The following RPSA2 variants were observed in gnomAD, a reference collection of about 807,000 sequenced individuals.
RPSA2 encodes the protein ribosomal protein SA 2.
chr19:23,839,958 A>G, the RPSA2 span, among the ~76,000 whole-genome samples: 1 of 152,138 alleles, frequency 6.6e-6, no homozygotes, highest in East Asian at 1.9e-4. Flanking sequence ...CACTCACTGT[A>G]TTTGGGGTGT....
At chr19:23,832,223 A>T in the RPSA2 span, 1 of 438,852 alleles carries the variant, frequency 2.3e-6, no homozygotes, top group South Asian at 1.8e-5. Flanking sequence ...AAACTCTACA[A>T]ATGTGAAGAA....
the RPSA2 span, among the ~76,000 whole-genome samples, chr19:23,835,621 T>G: frequency 9.9e-5 from 15 of 151,860 alleles, no homozygotes; most frequent in African/African-American, 3.4e-4. Flanking sequence ...AATAGTTTTT[T>G]TTTTTGTTGT....
At chr19:23,856,369 A>G in the RPSA2 span, among the ~76,000 whole-genome samples, 26 of 152,146 alleles carry the variant, frequency 1.7e-4, no homozygotes, top group African/African-American at 6.0e-4. Flanking sequence ...CACCCTGAAT[A>G]GGGTGACCAT....
the RPSA2 span, among the ~76,000 whole-genome samples, chr19:23,784,281 A>G: frequency 2.0e-5 from 3 of 152,232 alleles, no homozygotes; most frequent in Non-Finnish European, 2.9e-5. Context: ...CACCATGCAG[A>G]TGAGATTGCA....
At chr19:23,846,454 T>TA in the RPSA2 span, among the ~76,000 whole-genome samples, 1 of 152,206 alleles carries the variant, frequency 6.6e-6, no homozygotes, top group Admixed American at 6.5e-5. Context: ...CTTTGTTTTA[T>TA]AAGGCCTGTT....
chr19:23,791,156 G>T, the RPSA2 span, among the ~76,000 whole-genome samples: 1 of 152,114 alleles, frequency 6.6e-6, no homozygotes, highest in East Asian at 1.9e-4. Context: ...TAATCAAAGG[G>T]TGATTCAAAA....
At chr19:23,869,646 C>T in the RPSA2 span, among the ~76,000 whole-genome samples, 718 of 152,290 alleles carry the variant, frequency 4.7e-3, 4 homozygotes, top group African/African-American at 0.013. Flanking sequence ...TATACCACAC[C>T]GGGATCCAAT....
At chr19:23,820,694 C>CCTCT in the RPSA2 span, among the ~76,000 whole-genome samples, 148,839 of 152,168 alleles carry the variant, frequency 0.98, 72,885 homozygotes, top group Middle Eastern at 1. Flanking sequence ...AGTTAAAACT[C>CCTCT]CTCCTTATAT....
chr19:23,762,848 C>A, the RPSA2 span: 3 of 152,224 alleles, frequency 2.0e-5, no homozygotes, highest in African/African-American at 7.2e-5. Flanking sequence ...CCGTAAAATG[C>A]CCTACTGCCG....
At chr19:23,839,041 T>C in the RPSA2 span, among the ~76,000 whole-genome samples, 2 of 152,294 alleles carry the variant, frequency 1.3e-5, no homozygotes, top group Non-Finnish European at 2.9e-5. Context: ...TGTCTGTCTG[T>C]GCTCTTTCAA....
the RPSA2 span, chr19:23,833,006 C>T: frequency 7.0e-7 from 1 of 1,420,272 alleles, no homozygotes; most frequent in Non-Finnish European, 9.3e-7. Context: ...TTTAGGCAGT[C>T]TTCAATTTTT....
At chr19:23,831,235 G>A in the RPSA2 span, among the ~76,000 whole-genome samples, 6 of 152,088 alleles carry the variant, frequency 3.9e-5, no homozygotes, top group Admixed American at 6.5e-5. Context: ...AAATAACAAC[G>A]AATGTGCCAG....
the RPSA2 span, among the ~76,000 whole-genome samples, chr19:23,869,350 A>T: frequency 6.6e-6 from 1 of 152,160 alleles, no homozygotes; most frequent in Non-Finnish European, 1.5e-5. Context: ...TGGAAAAGTT[A>T]TGTACTTAAT....
the RPSA2 span, among the ~76,000 whole-genome samples, chr19:23,858,303 T>A: frequency 6.6e-6 from 1 of 151,736 alleles, no homozygotes; most frequent in African/African-American, 2.4e-5. Context: ...ATAGTTTTAA[T>A]GTACATTGTT....
chr19:23,821,500 CT>C, the RPSA2 span, among the ~76,000 whole-genome samples: 8 of 152,290 alleles, frequency 5.3e-5, no homozygotes, highest in African/African-American at 7.2e-5. Context: ...GACTTCTTCC[CT>C]GCCTCCCCCA....
chr19:23,766,284 C>T, the RPSA2 span, among the ~76,000 whole-genome samples: 1 of 150,608 alleles, frequency 6.6e-6, no homozygotes, highest in Non-Finnish European at 1.5e-5. Flanking sequence ...TCCCGAGTAG[C>T]TGGGATTATA....
the RPSA2 span, among the ~76,000 whole-genome samples, chr19:23,831,279 G>A: frequency 1.3e-5 from 2 of 152,174 alleles, no homozygotes; most frequent in South Asian, 2.1e-4. Flanking sequence ...GAAACCAAGA[G>A]TTAGGAATTT....
At chr19:23,791,820 A>G in the RPSA2 span, among the ~76,000 whole-genome samples, 1 of 149,966 alleles carries the variant, frequency 6.7e-6, no homozygotes, top group African/African-American at 2.5e-5. Flanking sequence ...GCTCACTGCA[A>G]CCTCCACCTT....
chr19:23,778,838 C>T, the RPSA2 span, among the ~76,000 whole-genome samples: 11 of 152,012 alleles, frequency 7.2e-5, no homozygotes, highest in East Asian at 5.8e-4. Context: ...TCAATTTGGG[C>T]GACTGTGTCA....
Sources: allele counts gnomAD v4.1 joint callset (sites outside exome capture counted in the v4.1 genomes callset), GRCh38; gene constraint gnomAD v4.1.1; transcripts MANE v1.5; gene names NCBI Gene and HGNC (gene_info 2026-07-23, HGNC 2026-07-21).